Variants in FANCD2 observed in about 807,000 individuals in gnomAD.
FANCD2 encodes Fanconi anemia group D2 protein.
Under a neutral mutation model 192.3 loss-of-function variants are expected in FANCD2, and 131 were observed. The observed-to-expected ratio is 0.68, with a 90% CI of 0.59 to 0.79. FANCD2 has a LOEUF of 0.79. Among genes scored for constraint, FANCD2 ranks in the 30% least tolerant of loss-of-function variants. The pLI is 0.00. For missense variants in FANCD2, 1,508 were observed against 1,701.6 expected, an observed-to-expected ratio of 0.89 and a Z score of 2.00; for synonymous variants, 524 against 612.5, an observed-to-expected ratio of 0.86 and a Z score of 2.13.
At chr3:10,078,057 C>T (rs1693629298) in intron 29 of FANCD2, 24 bp from the exon 30 acceptor site, 1 of 1,474,708 alleles carries the variant, frequency 6.8e-7, no homozygotes, top group Non-Finnish European at 9.5e-7. Context: ...ATTCCTGGAA[C>T]TAATCCTTTC....
At chr3:10,031,372 G>A (rs1220705888) in intron 2 of FANCD2, among the ~76,000 whole-genome samples, 7 of 152,152 alleles carry the variant, frequency 4.6e-5, no homozygotes, top group South Asian at 2.1e-4. Flanking sequence ...GCGTGGTGGT[G>A]TGCACCTGTA....
rs1398046806 is a variant in FANCD2, at chr3:10,065,945, C to T, written c.2351C>T (p.Ser784Phe). The change falls in exon 25 of 44, where the codon TCT (serine) becomes TTT (phenylalanine). Residue 784 changes from serine to phenylalanine, a missense_variant. Physicochemically the swap from Ser to Phe is radical, Grantham distance 155. Coordinates refer to ENST00000675286, the MANE Select transcript of FANCD2 (RefSeq NM_001018115.3). ...GCTAAAGAGCGTTCATTCATGTGTT[C>T]TCTCATATTTCTTACTCTCAACTGG... The part of the protein sequence containing the change: ...MSAKERSFMC[S>F]LIFLTLNWFR... 10 of 1,612,572 alleles carry T rather than the reference C, an allele frequency of 6.2e-6. No individual in the cohort carries two copies. In the East Asian group the frequency reaches 8.9e-5, roughly 14 times the overall value.
At chr3:10,075,243 C>T (rs532783365) in intron 29 of FANCD2, among the ~76,000 whole-genome samples, 11 of 150,760 alleles carry the variant, frequency 7.3e-5, no homozygotes, top group Admixed American at 7.3e-4. Flanking sequence ...AGTGCAGTGG[C>T]GCGGATCTCC....
intron 2 of FANCD2, among the ~76,000 whole-genome samples, chr3:10,029,433 C>G (rs529701922): frequency 6.6e-6 from 1 of 152,052 alleles, no homozygotes; most frequent in East Asian, 1.9e-4. Flanking sequence ...CTCAGGAGGT[C>G]GAGGGTGCAA....
chr3:10,100,650 T>A (rs1014732666), intron 43 of FANCD2, among the ~76,000 whole-genome samples: 4 of 152,206 alleles, frequency 2.6e-5, no homozygotes, highest in African/African-American at 9.6e-5. Flanking sequence ...GGGATTACTT[T>A]GGCGTGAGCC....
intron 18 of FANCD2, among the ~76,000 whole-genome samples, chr3:10,058,726 C>T (rs1238120619): frequency 6.6e-6 from 1 of 152,174 alleles, no homozygotes; most frequent in Non-Finnish European, 1.5e-5. Flanking sequence ...TCTGCCATCA[C>T]CACACTGTTT....
chr3:10,029,519 G>A (rs774811607), intron 2 of FANCD2, among the ~76,000 whole-genome samples: 1 of 152,046 alleles, frequency 6.6e-6, no homozygotes, highest in Non-Finnish European at 1.5e-5. Context: ...AAGGGAGTGG[G>A]GGGCGGGGAG....
Position 10,101,864 on chromosome 3 carries a change from T to G in FANCD2, c.*602T>G, listed in dbSNP as rs1313865569. ...GATTCTGGACTTTGGGAGCTAGTTT[T>G]GAAACTCTGATTTATTGTAGAACTT... On this transcript the variant is annotated 3_prime_UTR_variant, in exon 44 of 44. Transcript: ENST00000675286. 1 of 188,888 alleles carries G rather than the reference T, an allele frequency of 5.3e-6. No individual in the cohort carries two copies. The highest frequency in any genetic ancestry group is 8.5e-5 in the East Asian group (1 of 11,726). The allele number at this position is 188,888 out of a possible 1,614,324, so 11.7% of individuals were successfully genotyped here. A position where few individuals can be genotyped will look rare whatever the true frequency, so the allele number is the denominator to read the frequency against.
At chr3:10,040,028 A>G (rs766737260) in intron 9 of FANCD2, 183 bp downstream of exon 9, 37 of 550,352 alleles carry the variant, frequency 6.7e-5, no homozygotes, top group Non-Finnish European at 1.0e-4. Flanking sequence ...AGATCCACAT[A>G]CTTTCTTTTT....
chr3:10,087,362 T>C (rs1694280488), intron 34 of FANCD2, 98 bp downstream of exon 34: 2 of 1,183,130 alleles, frequency 1.7e-6, no homozygotes, highest in Non-Finnish European at 2.4e-6. Context: ...TTTTTACATG[T>C]AAATCCCCAC....
intron 3 of FANCD2, among the ~76,000 whole-genome samples, chr3:10,033,698 C>CTTTTTT (rs34115008): frequency 0.1 from 9,291 of 89,278 alleles, 1,275 homozygotes; most frequent in African/African-American, 0.21. Context: ...AAAGCTAAGT[C>CTTTTTT]TTTTTTTTTT....
At chr3:10,036,844 A>C (rs2086743531) in intron 7 of FANCD2, among the ~76,000 whole-genome samples, 1 of 152,040 alleles carries the variant, frequency 6.6e-6, no homozygotes, top group Admixed American at 6.6e-5. Context: ...TAAATTTTGT[A>C]GTGTATGTTC....
chr3:10,090,443 ATTTTTTTTT>A, intron 37 of FANCD2, 58 bp downstream of exon 37: 9 of 340,186 alleles, frequency 2.6e-5, no homozygotes, highest in Admixed American at 4.3e-5. Context: ...GAAGTTGCTG[ATTTTTTTTT>A]TTTTTTTTTT....
Position 10,065,402 on chromosome 3 carries a change from C to T in FANCD2, c.2177C>T (p.Ser726Phe). 6.2e-7 allele frequency: 1 copy of T among 1,612,218 alleles called. No homozygotes were observed. The change falls in exon 24 of 44, where the codon TCT (serine) becomes TTT (phenylalanine). Residue 726 changes from serine (S) to phenylalanine (F), a missense_variant. Coordinates refer to ENST00000675286, the MANE Select transcript of FANCD2 (RefSeq NM_001018115.3). ...TTATTTCTCCTTCTCAGATTGGTGT[C>T]TCCGCTGTGCCTGGCTCCGTATTTC... ...TSQESGQKLV[S>F]PLCLAPYFRL...
At chr3:10,067,540 G>A (rs1026944277) in intron 26 of FANCD2, among the ~76,000 whole-genome samples, 44 of 152,202 alleles carry the variant, frequency 2.9e-4, no homozygotes, top group African/African-American at 1.0e-3. Flanking sequence ...GCTCACGCCT[G>A]TAATCCTAGC....
At chr3:10,086,912 T>A (rs1694240346) in intron 33 of FANCD2, among the ~76,000 whole-genome samples, 1 of 152,134 alleles carries the variant, frequency 6.6e-6, no homozygotes, top group Non-Finnish European at 1.5e-5. Flanking sequence ...AGGCCAACAT[T>A]CCATCAGTGG....
intron 34 of FANCD2, among the ~76,000 whole-genome samples, chr3:10,087,996 C>T (rs752180124): frequency 1.3e-5 from 2 of 152,170 alleles, no homozygotes; most frequent in Non-Finnish European, 2.9e-5. Flanking sequence ...GAATGCAGCT[C>T]ATCCTAGTTG....
In FANCD2 at chr3:10,084,486, C is replaced by T. The variant is rs140351173; in HGVS notation, c.3225-1326C>T. 4.6e-3 allele frequency among the ~76,000 whole-genome samples: 702 copies of T among 151,510 alleles called. 4 individuals carry two copies. Among genetic ancestry groups the T allele is most frequent in the Non-Finnish European group, 7.2e-3 (492 of 67,898 alleles). ...TCCTTTTTTTTTTCTTTGGTAGAGA[C>T]GGGGTTTCGCCATGTTGCCCCCAGG... On this transcript the variant is annotated intron_variant, in intron 32 of 43. Coordinates refer to ENST00000675286, the MANE Select transcript of FANCD2 (RefSeq NM_001018115.3).
chr3:10,078,248 A>G, intron 30 of FANCD2, 51 bp downstream of exon 30: 2 of 1,219,668 alleles, frequency 1.6e-6, no homozygotes, highest in Non-Finnish European at 2.4e-6. Flanking sequence ...TTGGGAACAA[A>G]GGAGGTATTA....
Sources: allele counts gnomAD v4.1 joint callset (sites outside exome capture counted in the v4.1 genomes callset), GRCh38; gene constraint gnomAD v4.1.1; transcripts MANE v1.5; gene names NCBI Gene and HGNC (gene_info 2026-07-23, HGNC 2026-07-21).